The following SUPT3H variants were observed in gnomAD, a reference collection of about 807,000 sequenced individuals.
The protein encoded by SUPT3H is transcription initiation protein SPT3 homolog.
A neutral mutation model predicts 44.3 loss-of-function variants in SUPT3H; 44 were observed. The observed-to-expected ratio is 0.99, with a 90% CI of 0.78 to 1.28. SUPT3H has a LOEUF of 1.28. Ranked by LOEUF, SUPT3H falls within the 50% of genes most tolerant of loss-of-function variation. The probability of loss-of-function intolerance (pLI) is 0.00; values close to 1 mark genes in which losing one functional copy is unlikely to be tolerated. For missense variants in SUPT3H, 380 were observed against 387.1 expected (o/e 0.98, Z 0.15); for synonymous variants, 124 against 125.6 (o/e 0.99, Z 0.09).
At chr6:44,954,405 T>C in intron 8 of SUPT3H, 90 bp downstream of exon 8, 1 of 939,364 alleles carries the variant, frequency 1.1e-6, no homozygotes, top group Non-Finnish European at 1.8e-6. Flanking sequence ...TTATTACTGG[T>C]AGAGCAGCAG....
rs540434579 is a variant in SUPT3H at position 44,938,055 on chromosome 6, T to C, written c.802-5292A>G. 2.0e-5 allele frequency among the ~76,000 whole-genome samples: 3 copies of C among 151,702 alleles called. No homozygotes were observed. The South Asian group carries it at 6.2e-4, about 32-fold the overall frequency. On this transcript the variant is annotated intron_variant, in intron 9 of 10. Transcript: ENST00000371459. The stretch of plus-strand genomic sequence containing the variant: ...CTCCTGTCACTATCTTATTTCTTTT[T>C]CCATGCAGAAGCTTTTTAGTTTAAT...
Position 45,003,754 on chromosome 6 carries a change from T to C in SUPT3H, c.403A>G (p.Lys135Glu), listed in dbSNP as rs760931307. The change falls in exon 6 of 11, where the codon AAG (lysine) becomes GAG (glutamate). Residue 135 changes from lysine to glutamate, a missense_variant. Transcript: ENST00000371459. ...GAGTTGAGGAAGTCCTGAGCAATCTTTTGTCTTTTGTTCGCATTATTGCTG... is the reference window on the plus strand; with the variant it reads ...GAGTTGAGGAAGTCCTGAGCAATCTCTTGTCTTTTGTTCGCATTATTGCTG... Reference protein sequence around the residue: ...SGSNNANKRQKIAQDFLNSID... With the variant: ...SGSNNANKRQEIAQDFLNSID... 3 of 1,613,764 alleles carry C rather than the reference T, an allele frequency of 1.9e-6. No individual in the cohort carries two copies. The highest frequency in any genetic ancestry group is 1.3e-5 in the African/African-American group (1 of 75,012).
intron 6 of SUPT3H, among the ~76,000 whole-genome samples, chr6:44,962,859 C>T (rs1776230773): frequency 1.3e-5 from 2 of 151,906 alleles, no homozygotes; most frequent in South Asian, 4.2e-4. Context: ...CCTTCTAAGA[C>T]CAATGACTGT....
At chr6:45,217,474 C>CAAAAA (rs778817382) in intron 2 of SUPT3H, among the ~76,000 whole-genome samples, 2 of 64,856 alleles carry the variant, frequency 3.1e-5, no homozygotes, top group Admixed American at 1.3e-4. Flanking sequence ...GATTCCGCCT[C>CAAAAA]AAAAATAAAA....
chr6:45,247,184 T>C (rs1202679599), intron 2 of SUPT3H, among the ~76,000 whole-genome samples: 2 of 152,160 alleles, frequency 1.3e-5, no homozygotes, highest in East Asian at 3.8e-4. Flanking sequence ...CCTTGAAACA[T>C]ACAAACTACC....
Position 45,243,602 on chromosome 6 carries a change from G to A in SUPT3H, c.101+121599C>T, listed in dbSNP as rs548676294. Among the ~76,000 whole-genome samples, 30 of 152,208 alleles carry A rather than the reference G, an allele frequency of 2.0e-4. No individual in the cohort carries two copies. In the South Asian group the frequency reaches 5.6e-3, roughly 28 times the overall value. On this transcript the variant is annotated intron_variant, in intron 2 of 10. Coordinates refer to ENST00000371459, the MANE Select transcript of SUPT3H (RefSeq NM_003599.4). Reference sequence around the variant, plus strand: ...TTCTACAAACACTGAAATGATAATAGGGTAATATTTTGAGTTACTTTATGC... The same window carrying A: ...TTCTACAAACACTGAAATGATAATAAGGTAATATTTTGAGTTACTTTATGC...
intron 2 of SUPT3H, among the ~76,000 whole-genome samples, chr6:45,295,548 A>AAAAAAAAAAAAAAAAAAAAC (rs1554330142): frequency 3.3e-5 from 3 of 90,218 alleles, no homozygotes; most frequent in Non-Finnish European, 4.4e-5. Context: ...AAAAAAAAAA[A>AAAAAAAAAAAAAAAAAAAAC]AAAAAACAGC....
chr6:45,176,095 CTCTGG>C (rs1447216985), intron 2 of SUPT3H, among the ~76,000 whole-genome samples: 2 of 152,076 alleles, frequency 1.3e-5, no homozygotes, highest in African/African-American at 4.8e-5. Context: ...ATAGGAACAG[CTCTGG>C]TCTACAGCTC....
intron 6 of SUPT3H, among the ~76,000 whole-genome samples, chr6:44,974,272 T>C (rs1360006676): frequency 7.4e-6 from 1 of 134,314 alleles, no homozygotes; most frequent in African/African-American, 3.0e-5. Context: ...TATATATGTC[T>C]GTATAACTAT....
intron 2 of SUPT3H, among the ~76,000 whole-genome samples, chr6:45,191,468 T>C (rs1294409071): frequency 6.6e-6 from 1 of 152,138 alleles, no homozygotes; most frequent in Admixed American, 6.5e-5. Flanking sequence ...GGAACTATTC[T>C]GTGTAGTAAT....
intron 10 of SUPT3H, among the ~76,000 whole-genome samples, chr6:44,860,772 A>G (rs2153425329): frequency 6.6e-6 from 1 of 152,328 alleles, no homozygotes; most frequent in Admixed American, 6.5e-5. Flanking sequence ...CAAAGAAACT[A>G]TATGGACTAG....
intron 3 of SUPT3H, among the ~76,000 whole-genome samples, chr6:45,058,520 T>C (rs957264707): frequency 1.3e-5 from 2 of 152,140 alleles, no homozygotes; most frequent in Non-Finnish European, 2.9e-5. Flanking sequence ...AATACTGTTA[T>C]ATTATACAGA....
chr6:45,342,425 A>G (rs1789986578), intron 2 of SUPT3H, among the ~76,000 whole-genome samples: 1 of 152,018 alleles, frequency 6.6e-6, no homozygotes, highest in African/African-American at 2.4e-5. Context: ...CCACGCCCAG[A>G]TAATTTTGTA....
At position 45,133,559 on chromosome 6, in the gene SUPT3H, AAAC is replaced by A. The variant is rs558983281; in HGVS notation, c.102-27556_102-27554del. On this transcript the variant is annotated intron_variant, in intron 2 of 10. Coordinates refer to ENST00000371459, the MANE Select transcript of SUPT3H (RefSeq NM_003599.4). ...AAATATAAAGCTTGACAAAACTGAAAAACAACAACAACTATTTCAGCACTCAGA... is the reference window on the plus strand; with the variant it reads ...AAATATAAAGCTTGACAAAACTGAAAAACAACAACTATTTCAGCACTCAGA... Among the ~76,000 whole-genome samples, 14 of 152,310 alleles carry A rather than the reference AAAC, an allele frequency of 9.2e-5. No homozygotes were observed. In the South Asian group the frequency reaches 1.2e-3, roughly 14 times the overall value.
intron 2 of SUPT3H, among the ~76,000 whole-genome samples, chr6:45,282,980 A>G (rs1464068469): frequency 6.6e-6 from 1 of 152,158 alleles, no homozygotes; most frequent in Non-Finnish European, 1.5e-5. Context: ...ATATCCAGCC[A>G]AACTAAGCTT....
rs566516954 is a variant in SUPT3H, at chr6:44,940,221, A to G, written c.802-7458T>C. Among the ~76,000 whole-genome samples the G allele has an allele frequency of 2.6e-5, 4 of 152,150 alleles. No homozygotes were observed. In the South Asian group the frequency reaches 8.3e-4, roughly 32 times the overall value. ...CCCTTTTGCAATGCTTTTGCTGTAT[A>G]CCACAGGTTTCAGTGCGTTGTGTTT... On this transcript the variant is annotated intron_variant, in intron 9 of 10. Coordinates refer to ENST00000371459, the MANE Select transcript of SUPT3H (RefSeq NM_003599.4).
rs765270979 is a variant in SUPT3H at position 45,230,660 on chromosome 6, G to GCATATATATATATATATATATATA, written c.102-124655_102-124654insTATATATATATATATATATATATG. Among the ~76,000 whole-genome samples the GCATATATATATATATATATATATA allele has an allele frequency of 4.3e-3, 220 of 51,062 alleles. 40 individuals are homozygous for GCATATATATATATATATATATATA. Among genetic ancestry groups the GCATATATATATATATATATATATA allele is most frequent in the Middle Eastern group, 9.3e-3 (1 of 108 alleles). 33.5% of individuals were successfully genotyped at this position (51,062 alleles called of 152,430 possible). On this transcript the variant is annotated intron_variant, in intron 2 of 10. Coordinates refer to ENST00000371459, the MANE Select transcript of SUPT3H (RefSeq NM_003599.4). Reference sequence around the variant, plus strand: ...TGAAATCATGTTTTAAATTCATTCAGTCTATATATATATATATATATATAT... The same window carrying GCATATATATATATATATATATATA: ...TGAAATCATGTTTTAAATTCATTCAGCATATATATATATATATATATATATCTATATATATATATATATATATAT...
At chr6:45,184,894 T>G (rs1445739142) in intron 2 of SUPT3H, among the ~76,000 whole-genome samples, 1 of 150,912 alleles carries the variant, frequency 6.6e-6, no homozygotes, top group Non-Finnish European at 1.5e-5. Context: ...TATCAGCCAA[T>G]CATCAATGGA....
chr6:44,981,865 A>G (rs1483964739), intron 6 of SUPT3H, among the ~76,000 whole-genome samples: 1 of 123,606 alleles, frequency 8.1e-6, no homozygotes, highest in African/African-American at 3.4e-5. Context: ...TCTCTACATG[A>G]CATGAAAAAA....
Sources: gnomAD v4.1 joint callset for allele counts (sites outside exome capture counted in the v4.1 genomes callset) on GRCh38, gnomAD v4.1.1 for gene constraint, MANE v1.5 for transcripts, NCBI Gene and HGNC (gene_info 2026-07-23, HGNC 2026-07-21) for gene names.